The following PDPR variants were observed in gnomAD, a reference collection of about 807,000 sequenced individuals.
The protein encoded by PDPR is pyruvate dehydrogenase phosphatase regulatory subunit, mitochondrial.
Under a neutral mutation model 102.2 loss-of-function variants are expected in PDPR, and 50 were observed. That is an observed-to-expected ratio of 0.49 (90% CI 0.39 to 0.62). The LOEUF is 0.62. PDPR is among the 20% of genes least tolerant of loss of function. The probability of loss-of-function intolerance (pLI) is 0.00; values close to 1 mark genes in which losing one functional copy is unlikely to be tolerated. For synonymous variants in PDPR, 259 were observed against 406.0 expected, an observed-to-expected ratio of 0.64 and a Z score of 4.35; for missense variants, 625 against 1,098.2, an observed-to-expected ratio of 0.57 and a Z score of 6.09.
At chr16:70,123,032 C>T (rs1419480145) in intron 3 of PDPR, among the ~76,000 whole-genome samples, 1 of 152,064 alleles carries the variant, frequency 6.6e-6, no homozygotes, top group African/African-American at 2.4e-5. Flanking sequence ...TCCCAAGTAG[C>T]TGGGATTAAT....
At position 70,158,215 on chromosome 16, in the gene PDPR, G is replaced by GAT. The variant is rs1282086180; in HGVS notation, c.*1339_*1340dup. On this transcript the variant is annotated 3_prime_UTR_variant, in exon 19 of 19. Coordinates refer to ENST00000288050, the MANE Select transcript of PDPR (RefSeq NM_017990.5). ...CTCTGTTTTCCCAAGGTGAAACTTA[G>GAT]ATATCATGGACTGTTGTCCAGCCTC... 1 of 152,508 alleles carries GAT rather than the reference G, an allele frequency of 6.6e-6. No homozygotes were observed. Among genetic ancestry groups the GAT allele is most frequent in the African/African-American group, 2.4e-5 (1 of 41,470 alleles). 9.4% of individuals were successfully genotyped at this position (152,508 alleles called of 1,614,324 possible). A position where few individuals can be genotyped will look rare whatever the true frequency, so the allele number is the denominator to read the frequency against.
chr16:70,155,682 G>C (rs141511890), intron 18 of PDPR, among the ~76,000 whole-genome samples: 873 of 152,130 alleles, frequency 5.7e-3, no homozygotes, highest in African/African-American at 0.02. Flanking sequence ...GAGCCACCGT[G>C]CCTGGCCATA....
At chr16:70,154,073 G>A (rs1004684257) in intron 18 of PDPR, among the ~76,000 whole-genome samples, 33 of 152,226 alleles carry the variant, frequency 2.2e-4, no homozygotes, top group African/African-American at 7.5e-4. Context: ...GGAGAATGGC[G>A]TGAACCCAGG....
At chr16:70,132,742 G>A (rs1964669911) in intron 9 of PDPR, among the ~76,000 whole-genome samples, 1 of 152,104 alleles carries the variant, frequency 6.6e-6, no homozygotes, top group African/African-American at 2.4e-5. Flanking sequence ...TTTCACCTTG[G>A]CCTCCCAAAG....
chr16:70,119,759 A>G (rs1269274127), intron 2 of PDPR, among the ~76,000 whole-genome samples: 2 of 141,790 alleles, frequency 1.4e-5, no homozygotes, highest in Non-Finnish European at 3.1e-5. Context: ...TTGTATGTTT[A>G]TTTGTATATT....
At chr16:70,113,742 G>T (rs533845564), upstream of PDPR, 18 of 143,676 alleles carry the variant, frequency 1.3e-4, no homozygotes, top group African/African-American at 4.2e-4. Flanking sequence ...AAGCTGAGAA[G>T]CTGAGAAGAG....
chr16:70,126,509 G>A (rs1311032621), intron 3 of PDPR, among the ~76,000 whole-genome samples: 2 of 152,082 alleles, frequency 1.3e-5, no homozygotes, highest in Non-Finnish European at 2.9e-5. Flanking sequence ...GACTACAGGC[G>A]CCTGCCACAA....
At chr16:70,125,700 C>G (rs1048238017) in intron 3 of PDPR, among the ~76,000 whole-genome samples, 3 of 151,972 alleles carry the variant, frequency 2.0e-5, no homozygotes, top group Non-Finnish European at 4.4e-5. Flanking sequence ...AGTGGTGCAG[C>G]CTCAGCTCCT....
chr16:70,146,076 C>G (rs1051446695), intron 15 of PDPR, 58 bp from the exon 16 acceptor site: 12 of 1,600,708 alleles, frequency 7.5e-6, no homozygotes, highest in Non-Finnish European at 1.0e-5. Flanking sequence ...GTAGACCTTT[C>G]CCATTGGCTC....
In PDPR at chr16:70,120,516, G is replaced by T; in HGVS notation, c.24G>T (p.Ser8=). The T allele has an allele frequency of 6.2e-7, 1 of 1,613,946 alleles. No individual in the cohort carries two copies. The highest frequency in any genetic ancestry group is 8.5e-7 in the Non-Finnish European group (1 of 1,179,856). MMFYRLL[S]IVGRQRASPG... is the part of the protein sequence containing the mutation. ...ACATGATGTTCTACCGGTTGCTGTCGATTGTTGGAAGACAAAGAGCCAGCC... is the reference window on the plus strand; with the variant it reads ...ACATGATGTTCTACCGGTTGCTGTCTATTGTTGGAAGACAAAGAGCCAGCC... The change falls in exon 3 of 19, where the codon TCG becomes TCT. Residue 8 remains serine (S), a synonymous_variant. Transcript: ENST00000288050.
chr16:70,163,337 C>G (rs1262844260), downstream of PDPR, among the ~76,000 whole-genome samples: 1 of 151,950 alleles, frequency 6.6e-6, no homozygotes, highest in East Asian at 1.9e-4. Context: ...ATCTCTTCAT[C>G]TTGTCTTCTA....
At chr16:70,129,421 T>C (rs1302047498) in intron 6 of PDPR, among the ~76,000 whole-genome samples, 8 of 152,270 alleles carry the variant, frequency 5.3e-5, no homozygotes, top group Non-Finnish European at 1.0e-4. Flanking sequence ...CTTGGCTCAC[T>C]GCAACCTTCG....
chr16:70,152,825 A>G (rs1320828638), intron 17 of PDPR, among the ~76,000 whole-genome samples: 1 of 152,292 alleles, frequency 6.6e-6, no homozygotes, highest in African/African-American at 2.4e-5. Context: ...TTCTGAAACC[A>G]AGAAAAGAGC....
chr16:70,115,380 C>A (rs1361433394), intron 2 of PDPR, among the ~76,000 whole-genome samples: 1 of 152,206 alleles, frequency 6.6e-6, no homozygotes, highest in East Asian at 1.9e-4. Flanking sequence ...CCTCAGCCTC[C>A]CAAAGTGCTG....
chr16:70,154,039 T>C (rs950154622), intron 18 of PDPR, among the ~76,000 whole-genome samples: 1 of 152,178 alleles, frequency 6.6e-6, no homozygotes, highest in Non-Finnish European at 1.5e-5. Flanking sequence ...ATTAGCCGGG[T>C]GTGGTTGCGG....
rs1373894383 is a variant in PDPR at position 70,123,217 on chromosome 16, T to C, written c.227+2498T>C. Reference sequence around the variant, plus strand: ...GTGCCCGGCCCGCAGTGGATACTTTTAAGAGCAAAAGTGGGTTTTGTTTTT... The same window carrying C: ...GTGCCCGGCCCGCAGTGGATACTTTCAAGAGCAAAAGTGGGTTTTGTTTTT... On this transcript the variant is annotated intron_variant, in intron 3 of 18. Coordinates refer to ENST00000288050, the MANE Select transcript of PDPR (RefSeq NM_017990.5). Among the ~76,000 whole-genome samples the C allele has an allele frequency of 6.6e-5, 10 of 152,296 alleles. No homozygotes were observed. The South Asian group carries it at 8.3e-4, about 13-fold the overall frequency.
chr16:70,140,853 AG>A (rs1325432122), intron 11 of PDPR, among the ~76,000 whole-genome samples: 10 of 152,002 alleles, frequency 6.6e-5, no homozygotes, highest in African/African-American at 2.4e-4. Flanking sequence ...AAAATGGGGG[AG>A]GGGATGATAG....
intron 2 of PDPR, 109 bp downstream of exon 2, chr16:70,115,039 C>T (rs1324319885): frequency 6.6e-6 from 1 of 152,178 alleles, no homozygotes; most frequent in African/African-American, 2.4e-5. Flanking sequence ...CGTGATGTAC[C>T]GGGATGGGGT....
intron 11 of PDPR, among the ~76,000 whole-genome samples, chr16:70,141,489 G>A (rs1330830521): frequency 6.6e-6 from 1 of 152,282 alleles, no homozygotes; most frequent in Non-Finnish European, 1.5e-5. Context: ...TTAATTATCA[G>A]GGAGGAAATG....
Sources: allele counts gnomAD v4.1 joint callset (sites outside exome capture counted in the v4.1 genomes callset), GRCh38; gene constraint gnomAD v4.1.1; transcripts MANE v1.5; gene names NCBI Gene and HGNC (gene_info 2026-07-23, HGNC 2026-07-21).